CSDE1: variants seen among roughly 807,000 people sequenced by gnomAD.
CSDE1 encodes cold shock domain containing E1, also known as cold shock domain-containing protein E1.
CSDE1 carries 17 observed loss-of-function variants against 89.3 expected under a neutral mutation model. The observed-to-expected ratio is 0.19, with a 90% CI of 0.13 to 0.29. CSDE1 has a LOEUF of 0.29. Among genes scored for constraint, CSDE1 ranks in the 10% least tolerant of loss-of-function variants. The pLI is 1.00. For missense variants in CSDE1, 672 were observed against 984.2 expected (o/e 0.68, Z 4.24); for synonymous variants, 322 against 332.8 (o/e 0.97, Z 0.35).
chr1:114,729,733 C>G (rs1176591435), intron 12 of CSDE1, among the ~76,000 whole-genome samples: 1 of 152,088 alleles, frequency 6.6e-6, no homozygotes, highest in Non-Finnish European at 1.5e-5. Flanking sequence ...TTACTTGTTT[C>G]TATAAAACTC....
chr1:114,726,336 A>G lies in CSDE1; in HGVS notation c.1515T>C (p.Thr505=). The change falls in exon 14 of 20, where the codon ACT becomes ACC. Residue 505 remains threonine, a synonymous_variant. Transcript: ENST00000358528. ...AATTACGACCTAAAAGTCGCACACAAGTTGCAACCTGCTGTCCAGGCCTCT... is the reference window on the plus strand; with the variant it reads ...AATTACGACCTAAAAGTCGCACACAGGTTGCAACCTGCTGTCCAGGCCTCT... ...DKQRPGQQVA[T]CVRLLGRNSN... is the part of the protein sequence containing the mutation. 6.2e-7 allele frequency: 1 copy of G among 1,613,832 alleles called. No individual in the cohort carries two copies. The highest frequency in any genetic ancestry group is 1.1e-5 in the South Asian group (1 of 90,956).
Position 114,737,963 on chromosome 1 carries a change from T to C in CSDE1, c.309A>G (p.Gln103=). Reference sequence around the variant, plus strand: ...AACACAAAGCATCAAAGTCACTAACTTGTCCATTCATTCGTTCTTCAGGGA... The same window carrying C: ...AACACAAAGCATCAAAGTCACTAACCTGTCCATTCATTCGTTCTTCAGGGA... ...EILPEERMNG[Q]VVCAVPHNLE... The change falls in exon 4 of 20, where the codon CAA becomes CAG. Residue 103 remains glutamine, a splice_region_variant and synonymous_variant. Coordinates refer to ENST00000358528, the MANE Select transcript of CSDE1 (RefSeq NM_001007553.3). The C allele has an allele frequency of 6.2e-7, 1 of 1,601,470 alleles. No homozygotes were observed. The highest frequency in any genetic ancestry group is 8.6e-7 in the Non-Finnish European group (1 of 1,168,456).
chr1:114,742,943 C>G (rs1272313008), intron 2 of CSDE1, among the ~76,000 whole-genome samples: 1 of 152,186 alleles, frequency 6.6e-6, no homozygotes, highest in Admixed American at 6.5e-5. Context: ...TTTATAATAT[C>G]CCTCACTTCA....
rs779821516 is a variant in CSDE1, at chr1:114,737,514, G to A, written c.359C>T (p.Pro120Leu). The change falls in exon 5 of 20, where the codon CCG becomes CTG. Residue 120 changes from proline to leucine, a missense_variant. This residue lies in a region of CSDE1 where 124 missense variants were observed against 138.7 expected (regional missense o/e 0.89). Transcript: ENST00000358528. ...HNLESKSPAA[P>L]GQSPTGSVCY... ...TACACTCCCTGTTGGACTCTGACCC[G>A]GGGCAGCTGGAGATTTACTCTCTAA... 1.4e-5 allele frequency: 23 copies of A among 1,613,768 alleles called. No individual in the cohort carries two copies. The highest frequency in any genetic ancestry group is 1.9e-5 in the Non-Finnish European group (22 of 1,179,954).
chr1:114,734,135 A>G lies in CSDE1; in HGVS notation c.583-18T>C. 6.2e-7 allele frequency: 1 copy of G among 1,601,070 alleles called. No individual in the cohort carries two copies. The highest frequency in any genetic ancestry group is 1.7e-4 in the Middle Eastern group (1 of 5,980). ...AATGCCTCCTGAAGCAAAATAAAAA[A>G]CCAAGAACATTATTACCACTCTGTA... On this transcript the variant is annotated intron_variant, in intron 7 of 19. Coordinates refer to ENST00000358528, the MANE Select transcript of CSDE1 (RefSeq NM_001007553.3).
chr1:114,731,822 C>G (rs975256800), intron 10 of CSDE1, among the ~76,000 whole-genome samples: 2 of 152,078 alleles, frequency 1.3e-5, no homozygotes, highest in East Asian at 3.8e-4. Flanking sequence ...GATGTTTTTG[C>G]AATTATTTTT....
At chr1:114,737,804 G>A (rs1352036471) in intron 4 of CSDE1, among the ~76,000 whole-genome samples, 159 bp downstream of exon 4, 2 of 152,096 alleles carry the variant, frequency 1.3e-5, no homozygotes, top group Non-Finnish European at 2.9e-5. Context: ...TTCAGGTCAA[G>A]AAATGCCAGT....
chr1:114,717,999 T>C lies in CSDE1; in HGVS notation c.*170A>G, dbSNP rs1659281790. 3.2e-6 allele frequency: 2 copies of C among 622,024 alleles called. No individual in the cohort carries two copies. The highest frequency in any genetic ancestry group is 5.4e-6 in the Non-Finnish European group (2 of 369,562). 38.5% of individuals were successfully genotyped at this position (622,024 alleles called of 1,614,324 possible). A position where few individuals can be genotyped will look rare whatever the true frequency, so the allele number is the denominator to read the frequency against. The stretch of plus-strand genomic sequence containing the variant: ...TTATTTAAAATGGTTTTCTTAAATT[T>C]ATTTATTTTTTTAAACATAACACGA... On this transcript the variant is annotated 3_prime_UTR_variant, in exon 20 of 20. Coordinates refer to ENST00000358528, the MANE Select transcript of CSDE1 (RefSeq NM_001007553.3).
chr1:114,728,205 C>G (rs953123031), intron 12 of CSDE1, among the ~76,000 whole-genome samples: 7 of 152,124 alleles, frequency 4.6e-5, no homozygotes, highest in Admixed American at 2.6e-4. Flanking sequence ...GTAAACCTTA[C>G]CAAGGTTACA....
Position 114,725,212 on chromosome 1 carries a change from A to G in CSDE1, c.1753+9T>C, listed in dbSNP as rs751420122. The G allele has an allele frequency of 1.2e-6, 2 of 1,610,820 alleles. No individual in the cohort carries two copies. The highest frequency in any genetic ancestry group is 1.7e-4 in the Middle Eastern group (1 of 6,052). On this transcript the variant is annotated intron_variant, in intron 15 of 19. Transcript: ENST00000358528. ...AGCACAGGCTGAATAAGAAGTCACAATTTATTACCTGAGTGTGTTTTGTTC... is the reference window on the plus strand; with the variant it reads ...AGCACAGGCTGAATAAGAAGTCACAGTTTATTACCTGAGTGTGTTTTGTTC...
rs200025239 is a variant in CSDE1, at chr1:114,736,740, T to TA, written c.500+17dup. 0.023 allele frequency: 34,479 copies of TA among 1,523,068 alleles called. 354 individuals carry two copies. Among genetic ancestry groups the TA allele is most frequent in the Non-Finnish European group, 0.026 (28,751 of 1,113,292 alleles). 94.3% of individuals were successfully genotyped at this position (1,523,068 alleles called of 1,614,324 possible). A position where few individuals can be genotyped will look rare whatever the true frequency, so the allele number is the denominator to read the frequency against. ...AAAAAACCGCTTAGGTGAGAAAATT[T>TA]AAAAAAAAAGAACTTACTGTTTATT... is the stretch of plus-strand genomic sequence containing the variant. On this transcript the variant is annotated intron_variant, in intron 6 of 19. Coordinates refer to ENST00000358528, the MANE Select transcript of CSDE1 (RefSeq NM_001007553.3).
In CSDE1 at chr1:114,723,859, C is replaced by T. The variant is rs1291578422; in HGVS notation, c.1873+24G>A. The T allele has an allele frequency of 1.9e-6, 3 of 1,613,322 alleles. No individual in the cohort carries two copies. The Admixed American group carries it at 5.0e-5, about 27-fold the overall frequency. On this transcript the variant is annotated intron_variant, in intron 16 of 19. Transcript: ENST00000358528. ...ATCTGAAGTTATGGCAAATTTCAAA[C>T]AGCCTGATAGTGATGATCCTTACCC...
At chr1:114,747,718 C>T (rs896049340) in intron 2 of CSDE1, among the ~76,000 whole-genome samples, 5 of 151,938 alleles carry the variant, frequency 3.3e-5, no homozygotes, top group Admixed American at 6.6e-5. Flanking sequence ...ATAAGCCAGG[C>T]ATGGTGATGC....
At chr1:114,746,512 T>C (rs1439055125) in intron 2 of CSDE1, 2 of 152,158 alleles carry the variant, frequency 1.3e-5, no homozygotes, top group African/African-American at 2.4e-5. Context: ...AGACTCTTTG[T>C]AGTTTATCTT....
At chr1:114,730,766 T>C (rs1660054127) in intron 10 of CSDE1, 118 bp from the exon 11 acceptor site, 6 of 1,174,144 alleles carry the variant, frequency 5.1e-6, no homozygotes, top group Middle Eastern at 2.4e-4. Context: ...ACACAAATAC[T>C]GTATCCACAT....
At chr1:114,738,192 T>TC in intron 3 of CSDE1, 120 bp from the exon 4 acceptor site, 1 of 739,400 alleles carries the variant, frequency 1.4e-6, no homozygotes, top group Non-Finnish European at 2.4e-6. Context: ...CAAAGTGTGG[T>TC]CCCTGGACCA....
chr1:114,739,450 G>A (rs570842488), intron 3 of CSDE1, among the ~76,000 whole-genome samples: 1 of 152,186 alleles, frequency 6.6e-6, no homozygotes, highest in East Asian at 1.9e-4. Context: ...AAATCTTACG[G>A]GTAAACAGTC....
chr1:114,734,213 G>C (rs1660266821), intron 7 of CSDE1, 96 bp from the exon 8 acceptor site: 2 of 1,362,696 alleles, frequency 1.5e-6, no homozygotes, highest in Non-Finnish European at 2.0e-6. Flanking sequence ...TTATACTGTA[G>C]TCACAATAAT....
chr1:114,735,174 A>G (rs1660333373), intron 6 of CSDE1, among the ~76,000 whole-genome samples: 1 of 152,208 alleles, frequency 6.6e-6, no homozygotes, highest in African/African-American at 2.4e-5. Context: ...TTATGCCTTC[A>G]TATTTGTGTA....
Sources: gnomAD v4.1 joint callset for allele counts (sites outside exome capture counted in the v4.1 genomes callset) on GRCh38, gnomAD v4.1.1 for gene constraint, gnomAD v4.1.1 regional missense constraint, MANE v1.5 for transcripts, NCBI Gene and HGNC (gene_info 2026-07-23, HGNC 2026-07-21) for gene names.